DLG2: variants seen among roughly 807,000 people sequenced by gnomAD.
DLG2 encodes the protein discs large MAGUK scaffold protein 2.
A neutral mutation model predicts 132.5 loss-of-function variants in DLG2; 45 were observed. That is an observed-to-expected ratio of 0.34 (90% CI 0.27 to 0.44). The LOEUF (loss-of-function observed/expected upper bound fraction) is 0.44. Among genes scored for constraint, DLG2 ranks in the 20% least tolerant of loss-of-function variants. The probability of loss-of-function intolerance (pLI) is 1.00; values close to 1 mark genes in which losing one functional copy is unlikely to be tolerated. For missense variants in DLG2, 1,045 were observed against 1,196.9 expected (o/e 0.87, Z 1.87); for synonymous variants, 424 against 419.6 (o/e 1.01, Z -0.13).
intron 19 of DLG2, among the ~76,000 whole-genome samples, chr11:83,546,748 A>C (rs890614609): frequency 3.9e-5 from 6 of 152,126 alleles, no homozygotes; most frequent in Non-Finnish European, 7.4e-5. Flanking sequence ...CTTATACCTA[A>C]GGATTTCATG....
At chr11:83,554,972 A>G (rs1445503426) in intron 19 of DLG2, among the ~76,000 whole-genome samples, 1 of 152,252 alleles carries the variant, frequency 6.6e-6, no homozygotes, top group Non-Finnish European at 1.5e-5. Context: ...GACAAAACAG[A>G]TGTAGAAGAA....
chr11:85,108,029 T>C (rs200091651), intron 6 of DLG2, among the ~76,000 whole-genome samples: 1 of 116,046 alleles, frequency 8.6e-6, no homozygotes, highest in Admixed American at 9.2e-5. Flanking sequence ...CACACACACA[T>C]CCAGGAAGAA....
At chr11:83,608,240 G>A (rs1402200390) in intron 19 of DLG2, among the ~76,000 whole-genome samples, 3 of 152,118 alleles carry the variant, frequency 2.0e-5, no homozygotes, top group African/African-American at 4.8e-5. Flanking sequence ...TACATTAAAT[G>A]TACTTAAATT....
intron 7 of DLG2, among the ~76,000 whole-genome samples, chr11:84,528,932 C>G (rs1399444488): frequency 1.3e-5 from 2 of 152,182 alleles, no homozygotes; most frequent in Non-Finnish European, 2.9e-5. Context: ...GGAGCTCACT[C>G]GTACTAGCTC....
intron 15 of DLG2, among the ~76,000 whole-genome samples, chr11:83,925,306 A>G (rs1251513679): frequency 1.3e-5 from 2 of 152,122 alleles, no homozygotes; most frequent in Non-Finnish European, 2.9e-5. Context: ...GTTGCTTCTC[A>G]AACTGCTCAG....
At chr11:84,390,228 C>T (rs2098787618) in intron 7 of DLG2, among the ~76,000 whole-genome samples, 1 of 152,078 alleles carries the variant, frequency 6.6e-6, no homozygotes, top group African/African-American at 2.4e-5. Context: ...ACAAAAATAT[C>T]AAGGAATACT....
chr11:84,152,281 T>G (rs2095314658), intron 9 of DLG2, among the ~76,000 whole-genome samples: 1 of 152,222 alleles, frequency 6.6e-6, no homozygotes, highest in South Asian at 2.1e-4. Flanking sequence ...GAACTCTTCA[T>G]TATCATATAA....
At chr11:85,358,560 G>A (rs1366194771) in intron 3 of DLG2, among the ~76,000 whole-genome samples, 1 of 152,204 alleles carries the variant, frequency 6.6e-6, no homozygotes, top group Non-Finnish European at 1.5e-5. Flanking sequence ...AAGGGATGCT[G>A]TGTTCAAGTG....
intron 21 of DLG2, among the ~76,000 whole-genome samples, chr11:83,489,766 T>C (rs1235616103): frequency 6.6e-6 from 1 of 151,996 alleles, no homozygotes; most frequent in Non-Finnish European, 1.5e-5. Flanking sequence ...AACAGGTTTA[T>C]TGCTGGTTGT....
Position 85,520,393 on chromosome 11 carries a change from C to G in DLG2, c.40+78264G>C, listed in dbSNP as rs561531705. 2.0e-5 allele frequency among the ~76,000 whole-genome samples: 3 copies of G among 152,088 alleles called. No homozygotes were observed. In the East Asian group the frequency reaches 5.8e-4, roughly 29 times the overall value. Reference sequence around the variant, plus strand: ...CTCCATGCTCATGGATTGGAAGAATCAGTATTGTTAAAATAACCTTTCTAC... The same window carrying G: ...CTCCATGCTCATGGATTGGAAGAATGAGTATTGTTAAAATAACCTTTCTAC... On this transcript the variant is annotated intron_variant, in intron 3 of 27. Coordinates refer to ENST00000376104, the MANE Select transcript of DLG2 (RefSeq NM_001142699.3).
At chr11:84,750,651 C>T (rs768430079) in intron 6 of DLG2, among the ~76,000 whole-genome samples, 33 of 152,122 alleles carry the variant, frequency 2.2e-4, no homozygotes, top group Non-Finnish European at 4.3e-4. Flanking sequence ...ATTTCTGAAA[C>T]TATCATAGTC....
intron 15 of DLG2, among the ~76,000 whole-genome samples, chr11:83,895,803 A>G (rs2071483567): frequency 6.6e-6 from 1 of 152,232 alleles, no homozygotes; most frequent in Admixed American, 6.5e-5. Flanking sequence ...CCCACATAGC[A>G]GTAAAGCACT....
intron 11 of DLG2, among the ~76,000 whole-genome samples, chr11:84,020,504 T>C (rs765435699): frequency 6.6e-6 from 1 of 152,196 alleles, no homozygotes; most frequent in African/African-American, 2.4e-5. Context: ...GAAAATGTAC[T>C]CTTCATTCAG....
intron 7 of DLG2, among the ~76,000 whole-genome samples, chr11:84,321,607 C>T (rs936516989): frequency 6.6e-6 from 1 of 152,082 alleles, no homozygotes; most frequent in African/African-American, 2.4e-5. Flanking sequence ...TGTTCTTTTC[C>T]CCACTTCATA....
chr11:83,543,850 G>C (rs2096158546), intron 19 of DLG2, among the ~76,000 whole-genome samples: 1 of 152,162 alleles, frequency 6.6e-6, no homozygotes. Context: ...GTTCTTGCTT[G>C]TAAGGGTGGC....
intron 9 of DLG2, among the ~76,000 whole-genome samples, chr11:84,118,347 T>C (rs993161640): frequency 6.6e-5 from 10 of 152,192 alleles, no homozygotes. Context: ...AGAAACTAAT[T>C]TGCCTCCATG....
At chr11:85,147,531 T>C (rs1357859377) in intron 5 of DLG2, among the ~76,000 whole-genome samples, 1 of 152,224 alleles carries the variant, frequency 6.6e-6, no homozygotes. Context: ...AAATTTTGGA[T>C]ATTAACCCCT....
At chr11:85,359,095 G>T (rs1177880160) in intron 3 of DLG2, among the ~76,000 whole-genome samples, 2 of 152,162 alleles carry the variant, frequency 1.3e-5, no homozygotes, top group African/African-American at 2.4e-5. Flanking sequence ...CCTAGACTAT[G>T]CAAAGACATT....
intron 16 of DLG2, among the ~76,000 whole-genome samples, chr11:83,865,080 C>A (rs1347247746): frequency 2.0e-5 from 3 of 152,122 alleles, no homozygotes; most frequent in Non-Finnish European, 2.9e-5. Context: ...GATGGATGAG[C>A]CACCAGAAAA....
Sources: allele counts gnomAD v4.1 joint callset (sites outside exome capture counted in the v4.1 genomes callset), GRCh38; gene constraint gnomAD v4.1.1; transcripts MANE v1.5; gene names NCBI Gene and HGNC (gene_info 2026-07-23, HGNC 2026-07-21).